The following MIS18BP1 variants were observed in gnomAD, a reference collection of about 807,000 sequenced individuals.
MIS18BP1 encodes the protein MIS18 binding protein 1, also known as mis18-binding protein 1.
In MIS18BP1, 72 loss-of-function variants were observed where a neutral mutation model predicts 116.1. That is an observed-to-expected ratio of 0.62 (90% CI 0.51 to 0.75). The LOEUF (loss-of-function observed/expected upper bound fraction) is 0.75. MIS18BP1 is among the 30% of genes least tolerant of loss of function. The pLI, the probability that MIS18BP1 is intolerant of heterozygous loss-of-function variation, is 0.00. For missense variants in MIS18BP1, 1,363 were observed against 1,303.2 expected (o/e 1.05, Z -0.71); for synonymous variants, 386 against 427.0 (o/e 0.90, Z 1.18).
At position 45,222,501 on chromosome 14, in the gene MIS18BP1, C is replaced by A. The variant is rs918809458; in HGVS notation, c.2669+1417G>T. Among the ~76,000 whole-genome samples, 9 of 152,244 alleles carry A rather than the reference C, an allele frequency of 5.9e-5. No homozygotes were observed. The East Asian group carries it at 9.6e-4, about 16-fold the overall frequency. On this transcript the variant is annotated intron_variant, in intron 11 of 16. Transcript: ENST00000310806. ...TATTTTTATTTTAGCAGGTCATCAA[C>A]CTGGTGGTATCCCAAGCTATACGTT... is the stretch of plus-strand genomic sequence containing the variant.
At chr14:45,246,479 C>T (rs1020695562) in intron 2 of MIS18BP1, among the ~76,000 whole-genome samples, 1 of 152,188 alleles carries the variant, frequency 6.6e-6, no homozygotes, top group African/African-American at 2.4e-5. Flanking sequence ...CTCTGACCAT[C>T]GCACTGAAAA....
intron 4 of MIS18BP1, 136 bp from the exon 5 acceptor site, chr14:45,237,857 A>C: frequency 8.0e-7 from 1 of 1,246,230 alleles, no homozygotes; most frequent in Non-Finnish European, 1.1e-6. Context: ...TAAGATTCAC[A>C]TTCTATTCTA....
At chr14:45,208,609 G>C (rs756311632) in intron 14 of MIS18BP1, among the ~76,000 whole-genome samples, 2 of 152,066 alleles carry the variant, frequency 1.3e-5, no homozygotes, top group African/African-American at 4.8e-5. Context: ...TGGGATTACA[G>C]GTGTGAGCTA....
chr14:45,248,060 T>TTTG (rs1891771555), intron 1 of MIS18BP1, among the ~76,000 whole-genome samples: 1 of 149,830 alleles, frequency 6.7e-6, no homozygotes, highest in South Asian at 2.1e-4. Flanking sequence ...CTTTCGTTTT[T>TTTG]TTTTTTTTTT....
At chr14:45,218,215 A>G (rs1406630184) in intron 12 of MIS18BP1, 67 bp downstream of exon 12, 3 of 1,436,270 alleles carry the variant, frequency 2.1e-6, no homozygotes, top group Non-Finnish European at 2.9e-6. Context: ...TATAAAATAT[A>G]TCTGATTTCA....
chr14:45,247,831 A>C (rs2139253031), intron 1 of MIS18BP1, among the ~76,000 whole-genome samples: 1 of 152,338 alleles, frequency 6.6e-6, no homozygotes, highest in Middle Eastern at 3.4e-3. Flanking sequence ...AGCAACTACA[A>C]GATCTATTCT....
chr14:45,228,061 C>T (rs933608666), intron 8 of MIS18BP1, among the ~76,000 whole-genome samples: 5 of 152,040 alleles, frequency 3.3e-5, no homozygotes, highest in African/African-American at 9.6e-5. Flanking sequence ...TACTTGGGAG[C>T]CTGAGGTGGG....
intron 6 of MIS18BP1, among the ~76,000 whole-genome samples, chr14:45,233,342 C>G (rs919502382): frequency 6.6e-6 from 1 of 152,016 alleles, no homozygotes; most frequent in African/African-American, 2.4e-5. Context: ...AGATGGGTAA[C>G]AGAGGCAGTA....
intron 11 of MIS18BP1, among the ~76,000 whole-genome samples, chr14:45,220,699 A>G (rs1187497012): frequency 6.6e-6 from 1 of 152,206 alleles, no homozygotes; most frequent in Non-Finnish European, 1.5e-5. Context: ...TAATCCACTG[A>G]AAGAATGCAC....
intron 7 of MIS18BP1, among the ~76,000 whole-genome samples, chr14:45,232,149 T>G (rs1419475138): frequency 2.6e-5 from 4 of 152,002 alleles, no homozygotes; most frequent in Admixed American, 6.6e-5. Flanking sequence ...GGGCGCGGTG[T>G]CTCACGCCTA....
Position 45,246,906 on chromosome 14 carries a change from T to C in MIS18BP1, c.381A>G (p.Gln127=), listed in dbSNP as rs1299819586. 6.2e-6 allele frequency: 10 copies of C among 1,609,764 alleles called. No homozygotes were observed. Among genetic ancestry groups the C allele is most frequent in the Middle Eastern group, 1.7e-4 (1 of 6,032 alleles). ...AACTACTGTTTCTTGATGGCTGTTCTTGCTTGTCACGCAGTACTTTTTCTT... is the reference window on the plus strand; with the variant it reads ...AACTACTGTTTCTTGATGGCTGTTCCTGCTTGTCACGCAGTACTTTTTCTT... The part of the protein sequence containing the change: ...RMKEKVLRDK[Q]EQPSRNSSLL... Residue 127 remains glutamine, a synonymous_variant, in exon 2 of 17, where the codon CAA becomes CAG. Transcript: ENST00000310806.
chr14:45,224,531 A>G lies in MIS18BP1; in HGVS notation c.2056T>C (p.Cys686Arg). 1 of 1,611,044 alleles carries G rather than the reference A, an allele frequency of 6.2e-7. No homozygotes were observed. Among genetic ancestry groups the G allele is most frequent in the Non-Finnish European group, 8.5e-7 (1 of 1,179,238 alleles). Residue 686 changes from cysteine (C) to arginine (R), a missense_variant, in exon 11 of 17, where the codon TGT becomes CGT. By Grantham distance (180) the Cys-to-Arg change is radical. Coordinates refer to ENST00000310806, the MANE Select transcript of MIS18BP1 (RefSeq NM_018353.5). Reference protein sequence around the residue: ...KAVTDFVIPECQKKSPISKSM... With the variant: ...KAVTDFVIPERQKKSPISKSM... ...TTGCTGATGGGACTTTTTTTTTGACACTCTGGTATTACAAAATCTGTTACT... is the reference window on the plus strand; with the variant it reads ...TTGCTGATGGGACTTTTTTTTTGACGCTCTGGTATTACAAAATCTGTTACT...
Position 45,237,700 on chromosome 14 carries a change from T to C in MIS18BP1, c.1165A>G (p.Met389Val), listed in dbSNP as rs372902086. Residue 389 changes from methionine (M) to valine (V), a missense_variant, in exon 5 of 17, where the codon ATG becomes GTG. Met to Val is a conservative substitution (Grantham distance 21, BLOSUM62 1). Coordinates refer to ENST00000310806, the MANE Select transcript of MIS18BP1 (RefSeq NM_018353.5). Reference protein sequence around the residue: ...KNQVVQLQEWMIKSINNNTAI... With the variant: ...KNQVVQLQEWVIKSINNNTAI... ...GTATTATTATTGATGCTTTTAATCA[T>C]CCATTCCTGTAGCTGAACTACCTAA... is the stretch of plus-strand genomic sequence containing the variant. 2 of 1,603,088 alleles carry C rather than the reference T, an allele frequency of 1.2e-6. No individual in the cohort carries two copies. Among genetic ancestry groups the C allele is most frequent in the Non-Finnish European group, 1.7e-6 (2 of 1,176,066 alleles).
At chr14:45,225,866 G>C (rs979081633) in intron 10 of MIS18BP1, among the ~76,000 whole-genome samples, 6 of 152,244 alleles carry the variant, frequency 3.9e-5, no homozygotes, top group Non-Finnish European at 5.9e-5. Context: ...TTGTTTACAA[G>C]ATGACTGACA....
chr14:45,204,413 G>T lies in MIS18BP1; in HGVS notation c.3281C>A (p.Thr1094Asn), dbSNP rs1890454543. The T allele has an allele frequency of 6.2e-7, 1 of 1,606,742 alleles. No homozygotes were observed. The highest frequency in any genetic ancestry group is 2.2e-5 in the East Asian group (1 of 44,522). Residue 1094 changes from threonine (T) to asparagine (N), a missense_variant, in exon 16 of 17, where the codon ACC becomes AAC. Thr to Asn is a moderately conservative substitution (Grantham distance 65, BLOSUM62 0). Coordinates refer to ENST00000310806, the MANE Select transcript of MIS18BP1 (RefSeq NM_018353.5). ...DFSTPTPRRK[T>N]PFNTDLGENS... ...AAGTGTATTACCTGTGTTAAATGGG[G>T]TTTTCCTTCTTGGTGTTGGAGTTGA...
At chr14:45,205,615 TGTAAAAAAATAAAAA>T (rs1177468232) in intron 15 of MIS18BP1, among the ~76,000 whole-genome samples, 4 of 152,168 alleles carry the variant, frequency 2.6e-5, no homozygotes, top group East Asian at 1.9e-4. Flanking sequence ...AATGTTAGAA[TGTAAAAAAATAAAAA>T]GTAAAAAAAT....
chr14:45,231,793 G>C (rs1199045717), intron 7 of MIS18BP1, among the ~76,000 whole-genome samples: 1 of 152,022 alleles, frequency 6.6e-6, no homozygotes, highest in African/African-American at 2.4e-5. Context: ...TATTATATTT[G>C]TGCTGTGATT....
chr14:45,221,913 A>G (rs117088076), intron 11 of MIS18BP1, among the ~76,000 whole-genome samples: 1,534 of 152,244 alleles, frequency 0.01, 15 homozygotes, highest in Non-Finnish European at 0.014. Context: ...TAACTCATGT[A>G]TTTTGAGGTT....
chr14:45,242,327 T>C lies in MIS18BP1; in HGVS notation c.850A>G (p.Asn284Asp), dbSNP rs1417285700. ...CAATTAGTACTGAGAGTCTCAGCAT[T>C]AGTATTTTGAAATTGTTCATCAGCA... ...DSADEQFQNT[N>D]AETLSTNCIP... is the part of the protein sequence containing the mutation. Residue 284 changes from asparagine to aspartate, a missense_variant, in exon 4 of 17, where the codon AAT becomes GAT. Coordinates refer to ENST00000310806, the MANE Select transcript of MIS18BP1 (RefSeq NM_018353.5). The C allele has an allele frequency of 1.2e-6, 2 of 1,614,054 alleles. No individual in the cohort carries two copies. The highest frequency in any genetic ancestry group is 1.7e-6 in the Non-Finnish European group (2 of 1,179,952).
Sources: gnomAD v4.1 joint callset for allele counts (sites outside exome capture counted in the v4.1 genomes callset) on GRCh38, gnomAD v4.1.1 for gene constraint, MANE v1.5 for transcripts, NCBI Gene and HGNC (gene_info 2026-07-23, HGNC 2026-07-21) for gene names.